ADGRL3: variants seen among roughly 807,000 people sequenced by gnomAD.
ADGRL3 encodes the protein calcium-independent alpha-latrotoxin receptor 3.
In ADGRL3, 62 loss-of-function variants were observed where a neutral mutation model predicts 153.5. The ratio of observed to expected loss-of-function variants is 0.40; its 90% CI spans 0.33 to 0.50. ADGRL3 has a LOEUF of 0.50. Ranked by LOEUF, ADGRL3 falls within the 20% of genes least tolerant of loss-of-function variation. The pLI, the probability that ADGRL3 is intolerant of heterozygous loss-of-function variation, is 0.47. For synonymous variants in ADGRL3, 710 were observed against 672.5 expected (o/e 1.06, Z -0.86); for missense variants, 1,641 against 1,859.4 (o/e 0.88, Z 2.16).
At position 62,006,003 on chromosome 4, in the gene ADGRL3, C is replaced by CAT. The variant is rs1217370949; in HGVS notation, c.3395+7767_3395+7768dup. Among the ~76,000 whole-genome samples, 196 of 48,958 alleles carry CAT rather than the reference C, an allele frequency of 4.0e-3. 5 individuals are homozygous for CAT. The highest frequency in any genetic ancestry group is 0.011 in the African/African-American group (150 of 13,560). 32.1% of individuals were successfully genotyped at this position (48,958 alleles called of 152,430 possible). A position where few individuals can be genotyped will look rare whatever the true frequency, so the allele number is the denominator to read the frequency against. On this transcript the variant is annotated intron_variant, in intron 21 of 26. Coordinates refer to ENST00000683033, the MANE Select transcript of ADGRL3 (RefSeq NM_001387552.1). ...ACACACACACACACACACACACACACATATATATATATATATATATATATA... is the reference window on the plus strand; with the variant it reads ...ACACACACACACACACACACACACACATATATATATATATATATATATATATA...
chr4:61,254,771 A>T (rs2091798268), intron 1 of ADGRL3, among the ~76,000 whole-genome samples: 1 of 152,142 alleles, frequency 6.6e-6, no homozygotes, highest in African/African-American at 2.4e-5. Flanking sequence ...GGCATCCAGG[A>T]TGGATGCTGA....
chr4:61,500,953 T>C (rs2098380925), intron 3 of ADGRL3, among the ~76,000 whole-genome samples: 1 of 152,152 alleles, frequency 6.6e-6, no homozygotes. Context: ...AGATATCCAA[T>C]TCCTATCAAG....
intron 4 of ADGRL3, among the ~76,000 whole-genome samples, chr4:61,546,141 G>A (rs1394054599): frequency 6.6e-6 from 1 of 152,158 alleles, no homozygotes; most frequent in Non-Finnish European, 1.5e-5. Context: ...AGCACTGAGA[G>A]GGAACATTTT....
intron 9 of ADGRL3, among the ~76,000 whole-genome samples, chr4:61,844,578 A>ATATATATC (rs1554045154): frequency 1.1e-5 from 1 of 93,508 alleles, no homozygotes; most frequent in Non-Finnish European, 2.2e-5. Context: ...AAAAAAAAAT[A>ATATATATC]TATATATATA....
Position 61,920,833 on chromosome 4 carries a change from C to T in ADGRL3, c.2112+8076C>T, listed in dbSNP as rs1006783473. Among the ~76,000 whole-genome samples the T allele has an allele frequency of 7.9e-5, 12 of 152,242 alleles. No individual in the cohort carries two copies. The East Asian group carries it at 1.2e-3, about 15-fold the overall frequency. ...CTCTCCAAACTATTCCTTATTATAT[C>T]TTAAGGGCTACCCTATTTGCATGGT... On this transcript the variant is annotated intron_variant, in intron 13 of 26. Transcript: ENST00000683033.
intron 4 of ADGRL3, among the ~76,000 whole-genome samples, chr4:61,558,080 A>G (rs2098775537): frequency 1.3e-5 from 2 of 148,650 alleles, no homozygotes; most frequent in African/African-American, 2.5e-5. Context: ...AGTTAGTTCA[A>G]AATTTGAGAT....
chr4:61,499,084 A>T (rs2098354430), intron 3 of ADGRL3, among the ~76,000 whole-genome samples: 1 of 152,210 alleles, frequency 6.6e-6, no homozygotes, highest in Non-Finnish European at 1.5e-5. Flanking sequence ...TTGATTACAG[A>T]AACCCATTGT....
intron 1 of ADGRL3, among the ~76,000 whole-genome samples, chr4:61,245,864 G>A (rs1756844802): frequency 6.8e-6 from 1 of 147,444 alleles, no homozygotes; most frequent in African/African-American, 2.5e-5. Context: ...TTCAGATAGG[G>A]CAATAAAATA....
intron 9 of ADGRL3, among the ~76,000 whole-genome samples, chr4:61,858,620 C>CAAAAAA (rs1439782761): frequency 6.6e-6 from 1 of 151,968 alleles, no homozygotes; most frequent in Non-Finnish European, 1.5e-5. Flanking sequence ...GACTAGGTCT[C>CAAAAAA]AAAAACAAAA....
At chr4:61,925,274 A>G (rs2098789509) in intron 13 of ADGRL3, among the ~76,000 whole-genome samples, 1 of 152,076 alleles carries the variant, frequency 6.6e-6, no homozygotes, top group Non-Finnish European at 1.5e-5. Context: ...TTACTCTTTC[A>G]TCTTCATTGT....
intron 6 of ADGRL3, among the ~76,000 whole-genome samples, chr4:61,693,150 T>C (rs1341803515): frequency 6.6e-6 from 1 of 152,092 alleles, no homozygotes; most frequent in Admixed American, 6.6e-5. Context: ...TGATCTCCAC[T>C]TTGTGAAAAG....
intron 2 of ADGRL3, among the ~76,000 whole-genome samples, chr4:61,402,690 A>G (rs947075844): frequency 2.6e-5 from 4 of 152,094 alleles, no homozygotes; most frequent in Non-Finnish European, 5.9e-5. Context: ...CTTATCAGCT[A>G]GAGAAGTCAC....
intron 1 of ADGRL3, among the ~76,000 whole-genome samples, chr4:61,341,160 T>G (rs898119986): frequency 6.6e-6 from 1 of 151,982 alleles, no homozygotes; most frequent in Admixed American, 6.6e-5. Flanking sequence ...AAGTTGTATG[T>G]GGGGTTTTGG....
chr4:62,063,662 A>G (rs1410640821), intron 25 of ADGRL3: 20 of 649,618 alleles, frequency 3.1e-5, no homozygotes, highest in Non-Finnish European at 3.1e-5. Flanking sequence ...TAATTTTTTC[A>G]AGTGAGAGTC....
chr4:61,997,263 G>A (rs2099124967), intron 20 of ADGRL3, among the ~76,000 whole-genome samples: 1 of 150,624 alleles, frequency 6.6e-6, no homozygotes, highest in Non-Finnish European at 1.5e-5. Flanking sequence ...AAAAAAAAAG[G>A]AAAGGTAAGA....
chr4:61,806,565 T>A (rs779684070), intron 8 of ADGRL3, among the ~76,000 whole-genome samples: 13 of 152,084 alleles, frequency 8.5e-5, no homozygotes, highest in Non-Finnish European at 1.2e-4. Flanking sequence ...ATTAAATACA[T>A]TTTCATAACA....
At chr4:61,546,241 TG>T (rs1309747709) in intron 4 of ADGRL3, among the ~76,000 whole-genome samples, 22 of 152,296 alleles carry the variant, frequency 1.4e-4, no homozygotes, top group African/African-American at 5.3e-4. Flanking sequence ...CTCCCTGCAT[TG>T]GTTTACAAAG....
chr4:61,251,763 A>G (rs972628099), intron 1 of ADGRL3, among the ~76,000 whole-genome samples: 1 of 140,924 alleles, frequency 7.1e-6, no homozygotes, highest in African/African-American at 2.7e-5. Context: ...GGATCTTCAC[A>G]CTCTCAACTC....
Position 61,947,103 on chromosome 4 carries a change from T to A in ADGRL3, c.2609T>A (p.Phe870Tyr), listed in dbSNP as rs746393543. ...NKVYLADPVV[F>Y]TVKHIKQSEE... The stretch of plus-strand genomic sequence containing the variant: ...GTTTATTTGGCTGATCCTGTGGTAT[T>A]TACTGTTAAACATATCAAGGTAAGA... Residue 870 changes from phenylalanine to tyrosine, a missense_variant, in exon 16 of 27, where the codon TTT becomes TAT. Physicochemically the swap from Phe to Tyr is conservative, Grantham distance 22 (BLOSUM62 3). This residue lies in a region of ADGRL3 where 734 missense variants were observed against 797.0 expected (regional missense o/e 0.92). Coordinates refer to ENST00000683033, the MANE Select transcript of ADGRL3 (RefSeq NM_001387552.1). 12 of 1,613,592 alleles carry A rather than the reference T, an allele frequency of 7.4e-6. No individual in the cohort carries two copies. The African/African-American group carries it at 1.5e-4, about 20-fold the overall frequency.
Sources: allele counts gnomAD v4.1 joint callset (sites outside exome capture counted in the v4.1 genomes callset), GRCh38; gene constraint gnomAD v4.1.1; regional missense constraint gnomAD v4.1.1; transcripts MANE v1.5; gene names NCBI Gene and HGNC (gene_info 2026-07-23, HGNC 2026-07-21).